Variants in RPL31 observed in about 807,000 individuals in gnomAD.
The protein encoded by RPL31 is ribosomal protein L31, also known as large ribosomal subunit protein eL31.
For missense variants in RPL31, 95 were observed against 164.0 expected (o/e 0.58, Z 2.30); for synonymous variants, 51 against 55.0 (o/e 0.93, Z 0.32).
At chr2:101,008,947 A>G (rs1678961634), downstream of RPL31, among the ~76,000 whole-genome samples, 1 of 152,266 alleles carries the variant, frequency 6.6e-6, no homozygotes, top group South Asian at 2.1e-4. Context: ...TGGGAAGGCC[A>G]TGCAGGACCT....
chr2:101,002,410 G>A, intron 1 of RPL31, 95 bp downstream of exon 1: 1 of 423,096 alleles, frequency 2.4e-6, no homozygotes, highest in South Asian at 2.7e-5. Flanking sequence ...TCCCGAGCCA[G>A]CCCGGGGCTC....
rs541920200 is a variant in RPL31, at chr2:101,012,948, T to C, written c.347-6050T>C. ...CCACTCAAACTGAACAGGAGGAAAA[T>C]TGCAAACCGTGAATGGTACCTGGGG... On this transcript the variant is annotated intron_variant, in intron 4 of 4. Transcript: ENST00000409028. Among the ~76,000 whole-genome samples the C allele has an allele frequency of 9.9e-5, 15 of 152,242 alleles. No individual in the cohort carries two copies. In the South Asian group the frequency reaches 1.0e-3, roughly 11 times the overall value.
chr2:101,009,389 G>A (rs1679007106), downstream of RPL31, among the ~76,000 whole-genome samples: 1 of 146,386 alleles, frequency 6.8e-6, no homozygotes, highest in Non-Finnish European at 1.5e-5. Flanking sequence ...CTGGGCGACA[G>A]AGTGAGACTC....
chr2:101,012,206 CATAT>C (rs1679270122), downstream of RPL31, among the ~76,000 whole-genome samples: 1 of 152,216 alleles, frequency 6.6e-6, no homozygotes, highest in Non-Finnish European at 1.5e-5. Context: ...CTCACTTCTA[CATAT>C]ACACCCAAGA....
chr2:101,016,373 G>C (rs1034631988), intron 4 of RPL31, among the ~76,000 whole-genome samples: 1 of 151,902 alleles, frequency 6.6e-6, no homozygotes, highest in Non-Finnish European at 1.5e-5. Context: ...ACCACAATGA[G>C]ATACCATCTC....
At position 101,006,019 on chromosome 2, in the gene RPL31, A is replaced by G. The variant is rs1283827281; in HGVS notation, c.294A>G (p.Ser98=). The G allele has an allele frequency of 6.2e-7, 1 of 1,613,886 alleles. No individual in the cohort carries two copies. The highest frequency in any genetic ancestry group is 2.2e-5 in the East Asian group (1 of 44,904). Residue 98 remains serine (S), a synonymous_variant, in exon 4 of 5, where the codon TCA becomes TCG. Transcript: ENST00000264258. ...GAAAACGTAATGAGGATGAAGATTC[A>G]CCAAATAAGCTATATACTTTGGTTA... ...LSRKRNEDED[S]PNKLYTLVTY... is the part of the protein sequence containing the mutation.
At chr2:101,016,243 G>C (rs994254378) in intron 4 of RPL31, among the ~76,000 whole-genome samples, 11 of 152,014 alleles carry the variant, frequency 7.2e-5, no homozygotes, top group South Asian at 4.2e-4. Flanking sequence ...AACAAACAAC[G>C]CCATCAAAAA....
chr2:101,018,740 A>C (rs779653116), intron 4 of RPL31, among the ~76,000 whole-genome samples: 6 of 152,160 alleles, frequency 3.9e-5, no homozygotes, highest in Non-Finnish European at 8.8e-5. Flanking sequence ...AAAACCTCCA[A>C]ATTGTCTCAT....
chr2:101,002,448 T>C, intron 1 of RPL31, 133 bp downstream of exon 1: 1 of 539,256 alleles, frequency 1.9e-6, no homozygotes. Flanking sequence ...GAATACACCC[T>C]GCTTTTAAAG....
chr2:101,017,711 C>A, intron 4 of RPL31: 1 of 784,396 alleles, frequency 1.3e-6, no homozygotes, highest in Non-Finnish European at 2.1e-6. Flanking sequence ...AACAGATATC[C>A]ATGGTACATC....
downstream of RPL31, chr2:101,007,872 A>T: frequency 6.2e-7 from 1 of 1,613,886 alleles, no homozygotes; most frequent in Non-Finnish European, 8.5e-7. Flanking sequence ...TCATTTCAAA[A>T]GTTTTGAGAT....
At chr2:101,015,071 C>A (rs1353419291) in intron 4 of RPL31, among the ~76,000 whole-genome samples, 1 of 152,166 alleles carries the variant, frequency 6.6e-6, no homozygotes, top group Non-Finnish European at 1.5e-5. Flanking sequence ...CTTACACGAA[C>A]CTAGATGCTG....
intron 4 of RPL31, chr2:101,018,336 TTC>T (rs755686524): frequency 1.1e-5 from 1 of 94,340 alleles, no homozygotes; most frequent in Non-Finnish European, 2.8e-5. Flanking sequence ...ATTAAGTTCA[TTC>T]AGGTTTTCAA....
chr2:101,002,887 C>A, intron 2 of RPL31, 79 bp downstream of exon 2: 1 of 1,045,150 alleles, frequency 9.6e-7, no homozygotes, highest in Non-Finnish European at 1.5e-6. Flanking sequence ...ATCACCTCCA[C>A]CCCAATCTTT....
chr2:101,007,689 T>A (rs895380344), downstream of RPL31: 1 of 905,600 alleles, frequency 1.1e-6, no homozygotes, highest in Non-Finnish European at 1.7e-6. Flanking sequence ...TGGCCACAGT[T>A]TGTCAGGTTG....
At chr2:101,019,143 T>G in exon 5 of RPL31, 1 of 1,481,606 alleles carries the variant, frequency 6.7e-7, no homozygotes. Flanking sequence ...GACGTCTGTC[T>G]CCCATATTAC....
chr2:101,011,027 C>T (rs1337407397), downstream of RPL31: 3 of 1,611,070 alleles, frequency 1.9e-6, no homozygotes, highest in Non-Finnish European at 2.5e-6. Context: ...ACTGCATCAC[C>T]TTGAAACAAA....
At chr2:101,010,048 A>G (rs1056851086), downstream of RPL31, among the ~76,000 whole-genome samples, 7 of 151,768 alleles carry the variant, frequency 4.6e-5, no homozygotes, top group African/African-American at 1.7e-4. Flanking sequence ...GGATGGTCTC[A>G]ATCTTCTGAC....
intron 4 of RPL31, 51 bp downstream of exon 4, chr2:101,006,122 T>TA: frequency 6.9e-6 from 11 of 1,589,220 alleles, no homozygotes; most frequent in Non-Finnish European, 9.4e-6. Context: ...AAAATGTCCT[T>TA]ACCTCTTAAA....
Sources: allele counts gnomAD v4.1 joint callset (sites outside exome capture counted in the v4.1 genomes callset), GRCh38; gene constraint gnomAD v4.1.1; transcripts MANE v1.5; gene names NCBI Gene and HGNC (gene_info 2026-07-23, HGNC 2026-07-21).